Variants in WNT7A observed in about 807,000 individuals in gnomAD.
WNT7A encodes the protein protein Wnt-7a.
Under a neutral mutation model 28.2 loss-of-function variants are expected in WNT7A, and 16 were observed. The ratio of observed to expected loss-of-function variants is 0.57; its 90% CI spans 0.38 to 0.86. The LOEUF is 0.86. WNT7A is among the 40% of genes least tolerant of loss of function. WNT7A has a pLI of 0.00. For synonymous variants in WNT7A, 190 were observed against 195.9 expected (o/e 0.97, Z 0.25); for missense variants, 411 against 489.7 (o/e 0.84, Z 1.52).
intron 3 of WNT7A, among the ~76,000 whole-genome samples, chr3:13,829,247 C>A (rs1694241429): frequency 1.3e-5 from 2 of 152,160 alleles, no homozygotes; most frequent in African/African-American, 2.4e-5. Flanking sequence ...CTGAAAGAAA[C>A]CATATCCAGA....
At chr3:13,851,415 G>C (rs1208726341) in intron 3 of WNT7A, among the ~76,000 whole-genome samples, 1 of 152,186 alleles carries the variant, frequency 6.6e-6, no homozygotes, top group African/African-American at 2.4e-5. Context: ...TGTGCTGCCT[G>C]AACTGCCCTC....
chr3:13,856,924 A>AAGAAGAAGG (rs1694747303), intron 2 of WNT7A, among the ~76,000 whole-genome samples: 1 of 108,252 alleles, frequency 9.2e-6, no homozygotes, highest in African/African-American at 4.6e-5. Context: ...GAAGAAGAAG[A>AAGAAGAAGG]AGAAGAAGAA....
At chr3:13,878,906 C>G (rs189522730) in intron 1 of WNT7A, among the ~76,000 whole-genome samples, 1 of 152,308 alleles carries the variant, frequency 6.6e-6, no homozygotes, top group Middle Eastern at 3.4e-3. Flanking sequence ...GGACGCGTCC[C>G]GAGCTGCCCC....
intron 2 of WNT7A, among the ~76,000 whole-genome samples, chr3:13,857,635 C>G (rs1343355601): frequency 6.6e-6 from 1 of 152,126 alleles, no homozygotes; most frequent in Non-Finnish European, 1.5e-5. Context: ...TCCAGTGATT[C>G]CCCGAGAGCC....
At chr3:13,852,431 G>C (rs1462983730) in intron 3 of WNT7A, among the ~76,000 whole-genome samples, 2 of 152,238 alleles carry the variant, frequency 1.3e-5, no homozygotes, top group Non-Finnish European at 2.9e-5. Context: ...AGCCTGTTGG[G>C]AGGGGGCTTC....
chr3:13,880,037 A>G lies in WNT7A; in HGVS notation c.-221T>C, dbSNP rs553828588. 12 of 355,664 alleles carry G rather than the reference A, an allele frequency of 3.4e-5. No homozygotes were observed. The East Asian group carries it at 5.1e-4, about 15-fold the overall frequency. 22.0% of individuals were successfully genotyped at this position (355,664 alleles called of 1,614,324 possible). A position where few individuals can be genotyped will look rare whatever the true frequency, so the allele number is the denominator to read the frequency against. ...GGAGGAGCGAGCGCGGCGTGGGGCG[A>G]CGCCGGGCTGCGCGCGAGCGACCGG... On this transcript the variant is annotated 5_prime_UTR_variant, in exon 1 of 4. Transcript: ENST00000285018.
rs1430511924 is a variant in WNT7A, at chr3:13,817,131, G to A, written c.*1813C>T. ...TCAGAGGTGTCTGGTTTTCACCCAT[G>A]GGTGTGGGGACAGAGTTCAGAGGTG... On this transcript the variant is annotated 3_prime_UTR_variant, in exon 4 of 4. Transcript: ENST00000285018. 1 of 152,284 alleles carries A rather than the reference G, an allele frequency of 6.6e-6. No homozygotes were observed. Among genetic ancestry groups the A allele is most frequent in the South Asian group, 2.1e-4 (1 of 4,824 alleles). 9.4% of individuals were successfully genotyped at this position (152,284 alleles called of 1,614,324 possible).
intron 3 of WNT7A, among the ~76,000 whole-genome samples, chr3:13,834,609 C>A (rs1021220628): frequency 1.3e-5 from 2 of 152,132 alleles, no homozygotes; most frequent in African/African-American, 4.8e-5. Context: ...CTCCAGCACC[C>A]CAGGCATGCT....
In WNT7A at chr3:13,854,550, G is replaced by T; in HGVS notation, c.552C>A (p.Asn184Lys). The T allele has an allele frequency of 6.2e-7, 1 of 1,614,140 alleles. No individual in the cohort carries two copies. Among genetic ancestry groups the T allele is most frequent in the South Asian group, 1.1e-5 (1 of 91,084 alleles). ...TTCCTACCTTTCGGCCTGCCTCGTT[G>T]TTGTGCAAGTTCATGAGAGTCCGGG... ...QNARTLMNLH[N>K]NEAGRKILEE... The change falls in exon 3 of 4, where the codon AAC (asparagine) becomes AAA (lysine). Residue 184 changes from asparagine to lysine, a missense_variant. Transcript: ENST00000285018.
chr3:13,875,285 C>T lies in WNT7A; in HGVS notation c.72-112G>A, dbSNP rs1695092848. The T allele has an allele frequency of 2.7e-6, 3 of 1,106,372 alleles. No individual in the cohort carries two copies. In the East Asian group the frequency reaches 7.6e-5, roughly 28 times the overall value. The allele number at this position is 1,106,372 out of a possible 1,614,324, so 68.5% of individuals were successfully genotyped here. A position where few individuals can be genotyped will look rare whatever the true frequency, so the allele number is the denominator to read the frequency against. Reference sequence around the variant, plus strand: ...ACCCCACTGCCCCCAGCAGTGGTCTCCCAACTTTTTTGATCCTGCACCCCT... The same window carrying T: ...ACCCCACTGCCCCCAGCAGTGGTCTTCCAACTTTTTTGATCCTGCACCCCT... On this transcript the variant is annotated intron_variant, in intron 1 of 3. Transcript: ENST00000285018.
chr3:13,846,842 T>TG (rs1227392252), intron 3 of WNT7A, among the ~76,000 whole-genome samples: 2 of 152,162 alleles, frequency 1.3e-5, no homozygotes, highest in Non-Finnish European at 2.9e-5. Context: ...CTTCCAGGCC[T>TG]GGGTGTTCAG....
At chr3:13,854,134 G>A (rs1406680026) in intron 3 of WNT7A, among the ~76,000 whole-genome samples, 2 of 151,878 alleles carry the variant, frequency 1.3e-5, no homozygotes, top group Non-Finnish European at 2.9e-5. Flanking sequence ...GATGTGGCCA[G>A]AAGCCTGAGA....
rs1445635793 is a variant in WNT7A at position 13,819,127 on chromosome 3, G to C, written c.867C>G (p.Thr289=). The C allele has an allele frequency of 6.2e-7, 1 of 1,614,134 alleles. No individual in the cohort carries two copies. The highest frequency in any genetic ancestry group is 8.5e-7 in the Non-Finnish European group (1 of 1,180,028). Reference sequence around the variant, plus strand: ...CCGTCTTGTTGCAGGCGCGGCCCTGGGTGCCCACACTGCCGGTCACCGGGT... The same window carrying C: ...CCGTCTTGTTGCAGGCGCGGCCCTGCGTGCCCACACTGCCGGTCACCGGGT... ...EEDPVTGSVG[T]QGRACNKTAP... The change falls in exon 4 of 4, where the codon ACC becomes ACG. Residue 289 remains threonine (T), a synonymous_variant. Coordinates refer to ENST00000285018, the MANE Select transcript of WNT7A (RefSeq NM_004625.4).
intron 2 of WNT7A, among the ~76,000 whole-genome samples, chr3:13,855,627 G>A (rs1046749417): frequency 2.6e-5 from 4 of 152,180 alleles, no homozygotes; most frequent in African/African-American, 4.8e-5. Flanking sequence ...TAAATATGGT[G>A]CTGCCACCTC....
chr3:13,857,929 G>A (rs1694772573), intron 2 of WNT7A, among the ~76,000 whole-genome samples: 1 of 152,198 alleles, frequency 6.6e-6, no homozygotes, highest in African/African-American at 2.4e-5. Flanking sequence ...TAGCACAGAG[G>A]TTGGCATGAG....
chr3:13,878,511 C>T (rs977993905), intron 1 of WNT7A, among the ~76,000 whole-genome samples: 1 of 152,188 alleles, frequency 6.6e-6, no homozygotes, highest in Non-Finnish European at 1.5e-5. Context: ...CCCGCAGCCG[C>T]CTCTCCGCCG....
At chr3:13,873,405 G>T (rs540082200) in intron 2 of WNT7A, among the ~76,000 whole-genome samples, 1 of 152,000 alleles carries the variant, frequency 6.6e-6, no homozygotes, top group African/African-American at 2.4e-5. Context: ...TATTGGGATG[G>T]TATGGATTCA....
chr3:13,838,266 G>A (rs537976402), intron 3 of WNT7A, among the ~76,000 whole-genome samples: 28 of 152,274 alleles, frequency 1.8e-4, no homozygotes, highest in African/African-American at 5.5e-4. Context: ...TCAGCTGTGC[G>A]GCTTCGGGTC....
In WNT7A at chr3:13,874,736, C is replaced by CCTCTGTCA. The variant is rs79363893; in HGVS notation, c.298+203_298+210dup. Among the ~76,000 whole-genome samples the CCTCTGTCA allele has an allele frequency of 0.5, 75,510 of 151,402 alleles. 19,812 individuals are homozygous for CCTCTGTCA. The highest frequency in any genetic ancestry group is 0.76 in the East Asian group (3,903 of 5,114). On this transcript the variant is annotated intron_variant, in intron 2 of 3. Coordinates refer to ENST00000285018, the MANE Select transcript of WNT7A (RefSeq NM_004625.4). ...TTGGGTCACTGGTTGCTGGTTTGCACCTCTGTCAATAAACGATTGAGGGGG... is the reference window on the plus strand; with the variant it reads ...TTGGGTCACTGGTTGCTGGTTTGCACCTCTGTCACTCTGTCAATAAACGATTGAGGGGG...
Sources: gnomAD v4.1 joint callset for allele counts (sites outside exome capture counted in the v4.1 genomes callset) on GRCh38, gnomAD v4.1.1 for gene constraint, MANE v1.5 for transcripts, NCBI Gene and HGNC (gene_info 2026-07-23, HGNC 2026-07-21) for gene names.